The following MED13L variants were observed in gnomAD, a reference collection of about 807,000 sequenced individuals.
MED13L encodes the protein mediator of RNA polymerase II transcription subunit 13-like.
A neutral mutation model predicts 220.9 loss-of-function variants in MED13L; 7 were observed. The ratio of observed to expected loss-of-function variants is 0.03; its 90% confidence interval spans 0.02 to 0.06. The LOEUF (loss-of-function observed/expected upper bound fraction) is 0.06, where lower values mean the gene tolerates loss of function less well. MED13L is among the 10% of genes least tolerant of loss of function. The probability of loss-of-function intolerance (pLI) is 1.00; values close to 1 mark genes in which losing one functional copy is unlikely to be tolerated. For synonymous variants in MED13L, 1,011 were observed against 1,015.2 expected, an observed-to-expected ratio of 1.00 and a Z score of 0.08; for missense variants, 1,965 against 2,760.5, an observed-to-expected ratio of 0.71 and a Z score of 6.46.
intron 2 of MED13L, among the ~76,000 whole-genome samples, chr12:116,170,934 G>C (rs958749172): frequency 6.6e-6 from 1 of 152,124 alleles, no homozygotes; most frequent in Non-Finnish European, 1.5e-5. Flanking sequence ...ACATTCTTAA[G>C]GAAAATCTAA....
intron 2 of MED13L, among the ~76,000 whole-genome samples, chr12:116,196,866 G>T (rs1881660258): frequency 6.6e-6 from 1 of 152,070 alleles, no homozygotes; most frequent in Admixed American, 6.5e-5. Flanking sequence ...TAATAAAAGT[G>T]CATTAATTTT....
At position 116,165,259 on chromosome 12, in the gene MED13L, CTTTTTTTTTTT is replaced by C. The variant is rs34196219; in HGVS notation, c.311-53758_311-53748del. On this transcript the variant is annotated intron_variant, in intron 2 of 30. Coordinates refer to ENST00000281928, the MANE Select transcript of MED13L (RefSeq NM_015335.5). Reference sequence around the variant, plus strand: ...TTAAGGCAATGAAGTAGGCACCATCCTTTTTTTTTTTTTTTTTTTTTTTTTTTTGACTACTA... The same window carrying C: ...TTAAGGCAATGAAGTAGGCACCATCCTTTTTTTTTTTTTTTTTGACTACTA... Among the ~76,000 whole-genome samples, 148 of 74,504 alleles carry C rather than the reference CTTTTTTTTTTT, an allele frequency of 2.0e-3. 2 individuals are homozygous for C. The highest frequency in any genetic ancestry group is 8.4e-3 in the African/African-American group (143 of 16,950). 48.9% of individuals were successfully genotyped at this position (74,504 alleles called of 152,430 possible). A position where few individuals can be genotyped will look rare whatever the true frequency, so the allele number is the denominator to read the frequency against.
intron 2 of MED13L, among the ~76,000 whole-genome samples, chr12:116,150,152 C>T (rs953674716): frequency 1.1e-4 from 16 of 152,190 alleles, no homozygotes; most frequent in African/African-American, 1.9e-4. Flanking sequence ...TCAGAGCTGA[C>T]GCTGAGATCG....
At chr12:116,139,292 C>T (rs1339038893) in intron 2 of MED13L, among the ~76,000 whole-genome samples, 1 of 152,162 alleles carries the variant, frequency 6.6e-6, no homozygotes, top group Non-Finnish European at 1.5e-5. Flanking sequence ...ATAAAACACA[C>T]AGCAATTCAA....
intron 1 of MED13L, among the ~76,000 whole-genome samples, chr12:116,263,467 C>T (rs1314345899): frequency 6.6e-6 from 1 of 152,148 alleles, no homozygotes; most frequent in Non-Finnish European, 1.5e-5. Flanking sequence ...TGCACCTCCT[C>T]CCACACTAAC....
At chr12:116,221,103 G>A (rs1168942555) in intron 2 of MED13L, among the ~76,000 whole-genome samples, 2 of 152,118 alleles carry the variant, frequency 1.3e-5, no homozygotes, top group Non-Finnish European at 2.9e-5. Flanking sequence ...AGCTGGGAGT[G>A]GTGGCTCATG....
chr12:116,016,344 G>A (rs937371362), intron 7 of MED13L, among the ~76,000 whole-genome samples: 2 of 151,960 alleles, frequency 1.3e-5, no homozygotes, highest in African/African-American at 4.8e-5. Flanking sequence ...GAAATGAAGC[G>A]CTCTTCTTTC....
chr12:116,245,935 T>C (rs1484727037), intron 1 of MED13L, among the ~76,000 whole-genome samples: 1 of 152,114 alleles, frequency 6.6e-6, no homozygotes, highest in Admixed American at 6.5e-5. Flanking sequence ...CTCAGAACAA[T>C]GGATTAAGAA....
intron 2 of MED13L, among the ~76,000 whole-genome samples, chr12:116,187,435 T>C (rs532828590): frequency 3.2e-4 from 49 of 152,328 alleles, no homozygotes; most frequent in African/African-American, 6.0e-4. Flanking sequence ...GTGTCTATCA[T>C]TGTCATTTCT....
chr12:116,237,421 A>T, intron 2 of MED13L, 47 bp downstream of exon 2: 6 of 1,448,874 alleles, frequency 4.1e-6, no homozygotes, highest in Non-Finnish European at 4.9e-6. Context: ...TCAATGTTCA[A>T]AAAAATATGA....
At chr12:116,155,643 C>T (rs974787760) in intron 2 of MED13L, among the ~76,000 whole-genome samples, 1 of 152,060 alleles carries the variant, frequency 6.6e-6, no homozygotes, top group Non-Finnish European at 1.5e-5. Context: ...TGCTAGAGTT[C>T]ATTTCACCGC....
intron 4 of MED13L, among the ~76,000 whole-genome samples, chr12:116,033,917 G>A (rs1027291483): frequency 1.3e-5 from 2 of 152,034 alleles, no homozygotes; most frequent in African/African-American, 4.8e-5. Flanking sequence ...ATTAGCACTC[G>A]TATACAATCA....
At position 116,039,769 on chromosome 12, in the gene MED13L, T is replaced by A. The variant is rs1881412227; in HGVS notation, c.480-17168A>T. 2.0e-5 allele frequency among the ~76,000 whole-genome samples: 3 copies of A among 151,936 alleles called. No individual in the cohort carries two copies. In the South Asian group the frequency reaches 6.2e-4, roughly 32 times the overall value. ...GGTAGCAGTGGAGATGAAAAAAGCATGAGTTCAAGATGTATTTTAGAAACA... is the reference window on the plus strand; with the variant it reads ...GGTAGCAGTGGAGATGAAAAAAGCAAGAGTTCAAGATGTATTTTAGAAACA... On this transcript the variant is annotated intron_variant, in intron 4 of 30. Transcript: ENST00000281928.
In MED13L at chr12:115,959,529, T is replaced by C. The variant is rs1875629896; in HGVS notation, c.*1737A>G. 1 of 152,636 alleles carries C rather than the reference T, an allele frequency of 6.6e-6. No homozygotes were observed. The allele number at this position is 152,636 out of a possible 1,614,324, so 9.5% of individuals were successfully genotyped here. A position where few individuals can be genotyped will look rare whatever the true frequency, so the allele number is the denominator to read the frequency against. ...TTACAATCTTCATCTTCTTATGCTC[T>C]TCAAAAGGCCTTGAGAATTTTCCTT... On this transcript the variant is annotated 3_prime_UTR_variant, in exon 31 of 31. Transcript: ENST00000281928.
At chr12:116,167,000 G>A (rs1415439488) in intron 2 of MED13L, among the ~76,000 whole-genome samples, 1 of 151,986 alleles carries the variant, frequency 6.6e-6, no homozygotes, top group Non-Finnish European at 1.5e-5. Flanking sequence ...TTGACTTCAA[G>A]TATGAAGACA....
At chr12:116,234,772 C>T (rs1869911887) in intron 2 of MED13L, among the ~76,000 whole-genome samples, 1 of 152,054 alleles carries the variant, frequency 6.6e-6, no homozygotes. Context: ...ATCCTCCAGC[C>T]CCAGTCACCC....
chr12:116,253,904 C>T (rs577812700), intron 1 of MED13L, among the ~76,000 whole-genome samples: 39 of 151,636 alleles, frequency 2.6e-4, no homozygotes, highest in Non-Finnish European at 5.0e-4. Flanking sequence ...AGATTACAGG[C>T]GTGTGCCACC....
intron 14 of MED13L, among the ~76,000 whole-genome samples, chr12:115,999,614 CTT>C (rs1878621338): frequency 6.6e-6 from 1 of 151,792 alleles, no homozygotes; most frequent in Admixed American, 6.6e-5. Flanking sequence ...TATAAATTCT[CTT>C]TAAGTTAAAA....
intron 28 of MED13L, among the ~76,000 whole-genome samples, chr12:115,967,525 C>G (rs936905126): frequency 1.3e-5 from 2 of 152,188 alleles, no homozygotes; most frequent in Non-Finnish European, 2.9e-5. Context: ...ACCTCTGTTT[C>G]TTACACAACT....
Sources: gnomAD v4.1 joint callset for allele counts (sites outside exome capture counted in the v4.1 genomes callset) on GRCh38, gnomAD v4.1.1 for gene constraint, MANE v1.5 for transcripts, NCBI Gene and HGNC (gene_info 2026-07-23, HGNC 2026-07-21) for gene names.